The following ENOX1 variants were observed in gnomAD, a reference collection of about 807,000 sequenced individuals.
ENOX1 encodes the protein ecto-NOX disulfide-thiol exchanger 1.
In ENOX1, 42 loss-of-function variants were observed where a neutral mutation model predicts 82.5. That is an observed-to-expected ratio of 0.51 (90% CI 0.40 to 0.66). The LOEUF (loss-of-function observed/expected upper bound fraction) is 0.66, where lower values mean the gene tolerates loss of function less well. Among genes scored for constraint, ENOX1 ranks in the 30% least tolerant of loss-of-function variants. ENOX1 has a pLI of 0.00. For missense variants in ENOX1, 608 were observed against 811.6 expected, an observed-to-expected ratio of 0.75 and a Z score of 3.05; for synonymous variants, 271 against 282.2, an observed-to-expected ratio of 0.96 and a Z score of 0.40.
intron 1 of ENOX1, among the ~76,000 whole-genome samples, chr13:43,756,969 CA>C (rs1408849152): frequency 2.4e-5 from 1 of 41,464 alleles, no homozygotes; most frequent in Non-Finnish European, 4.9e-5. Flanking sequence ...ACAAAAACAA[CA>C]ACAAAAAAAA....
intron 5 of ENOX1, 117 bp downstream of exon 5, chr13:43,411,799 C>T: frequency 1.5e-6 from 2 of 1,303,628 alleles, no homozygotes; most frequent in Non-Finnish European, 2.1e-6. Flanking sequence ...CAAACATGCC[C>T]CAGTCATAAA....
chr13:43,395,701 A>C (rs1053707921), intron 5 of ENOX1, among the ~76,000 whole-genome samples: 2 of 152,188 alleles, frequency 1.3e-5, no homozygotes, highest in Admixed American at 1.3e-4. Context: ...TGTTGCTTTC[A>C]TTCTCATGAA....
At chr13:43,657,830 A>G (rs915325761) in intron 2 of ENOX1, among the ~76,000 whole-genome samples, 2 of 152,228 alleles carry the variant, frequency 1.3e-5, no homozygotes, top group Admixed American at 1.3e-4. Flanking sequence ...CACAGTTTAT[A>G]AATTCGGGCC....
intron 2 of ENOX1, among the ~76,000 whole-genome samples, chr13:43,647,361 C>T (rs911320428): frequency 6.6e-6 from 1 of 152,172 alleles, no homozygotes; most frequent in African/African-American, 2.4e-5. Flanking sequence ...ACTACAACTG[C>T]TTTGAGTCCC....
intron 2 of ENOX1, among the ~76,000 whole-genome samples, chr13:43,549,431 G>A (rs1040688349): frequency 6.6e-6 from 1 of 152,142 alleles, no homozygotes; most frequent in Non-Finnish European, 1.5e-5. Flanking sequence ...TCATTAGGAA[G>A]CACAAGTCCC....
Position 43,674,288 on chromosome 13 carries a change from G to T in ENOX1, c.-284-6744C>A, listed in dbSNP as rs144168450. 4.4e-3 allele frequency among the ~76,000 whole-genome samples: 663 copies of T among 152,244 alleles called. 3 individuals carry two copies. Among genetic ancestry groups the T allele is most frequent in the Admixed American group, 0.01 (159 of 15,286 alleles). Reference sequence around the variant, plus strand: ...GCTAAAGTTCTAATGGGAAAGACAGGTGATAAACCAAAAAGAGAATGTCAG... The same window carrying T: ...GCTAAAGTTCTAATGGGAAAGACAGTTGATAAACCAAAAAGAGAATGTCAG... On this transcript the variant is annotated intron_variant, in intron 1 of 16. Transcript: ENST00000690772.
intron 14 of ENOX1, among the ~76,000 whole-genome samples, chr13:43,250,698 A>G (rs2043403940): frequency 6.6e-6 from 1 of 152,224 alleles, no homozygotes; most frequent in Admixed American, 6.5e-5. Flanking sequence ...TACCTACAAT[A>G]AGGGTACATT....
At chr13:43,545,413 G>A (rs766245336) in intron 2 of ENOX1, 1 of 152,192 alleles carries the variant, frequency 6.6e-6, no homozygotes, top group Admixed American at 6.5e-5. Context: ...TCATCTTTTT[G>A]TAAAGATTCT....
At chr13:43,613,512 G>A (rs2082283612) in intron 2 of ENOX1, among the ~76,000 whole-genome samples, 1 of 151,906 alleles carries the variant, frequency 6.6e-6, no homozygotes, top group African/African-American at 2.4e-5. Flanking sequence ...TTGTTTATTT[G>A]AAAAGTTCAA....
chr13:43,447,978 C>T (rs929856536), intron 3 of ENOX1, among the ~76,000 whole-genome samples: 1 of 152,314 alleles, frequency 6.6e-6, no homozygotes, highest in African/African-American at 2.4e-5. Flanking sequence ...GCCGTGGTTC[C>T]TGACAATCAT....
intron 2 of ENOX1, among the ~76,000 whole-genome samples, chr13:43,600,651 T>G (rs2081668269): frequency 6.6e-6 from 1 of 152,170 alleles, no homozygotes; most frequent in Non-Finnish European, 1.5e-5. Flanking sequence ...ACCTGCTGAT[T>G]GTAGAGCCCT....
In ENOX1 at chr13:43,675,875, C is replaced by G. The variant is rs574108817; in HGVS notation, c.-284-8331G>C. On this transcript the variant is annotated intron_variant, in intron 1 of 16. Coordinates refer to ENST00000690772, the MANE Select transcript of ENOX1 (RefSeq NM_001347969.2). ...GCTGCTCCCTCACCCATGCCATTTT[C>G]TTTTTGCTCATCCCATCACAGGTGC... Among the ~76,000 whole-genome samples, 4 of 152,314 alleles carry G rather than the reference C, an allele frequency of 2.6e-5. No homozygotes were observed. The East Asian group carries it at 7.7e-4, about 29-fold the overall frequency.
intron 12 of ENOX1, among the ~76,000 whole-genome samples, chr13:43,276,908 T>A (rs191814812): frequency 6.6e-6 from 1 of 152,336 alleles, no homozygotes. Context: ...CTATTCTAGT[T>A]TAAAACGTCA....
chr13:43,664,575 G>C (rs538959488), intron 2 of ENOX1, among the ~76,000 whole-genome samples: 5 of 152,302 alleles, frequency 3.3e-5, no homozygotes, highest in Non-Finnish European at 5.9e-5. Context: ...CACTCTGTTT[G>C]ATCACTGTAT....
At chr13:43,240,976 C>T (rs1321117960) in intron 14 of ENOX1, among the ~76,000 whole-genome samples, 2 of 152,188 alleles carry the variant, frequency 1.3e-5, no homozygotes, top group African/African-American at 4.8e-5. Flanking sequence ...CTGGACCCCT[C>T]TACGGAGATA....
chr13:43,401,605 T>C (rs954551757), intron 5 of ENOX1, among the ~76,000 whole-genome samples: 3 of 152,076 alleles, frequency 2.0e-5, no homozygotes, highest in African/African-American at 7.2e-5. Flanking sequence ...TCAGAGTCTG[T>C]GGCTGCATGT....
chr13:43,239,144 AG>A (rs1285072617), intron 14 of ENOX1, among the ~76,000 whole-genome samples: 2 of 152,336 alleles, frequency 1.3e-5, no homozygotes, highest in Admixed American at 1.3e-4. Flanking sequence ...TAAGAGTCTT[AG>A]GGTCACCATT....
chr13:43,382,478 C>T (rs537933201), intron 5 of ENOX1, among the ~76,000 whole-genome samples: 7 of 152,236 alleles, frequency 4.6e-5, no homozygotes, highest in South Asian at 4.1e-4. Context: ...TGACAACATG[C>T]GTGACTTTCA....
intron 7 of ENOX1, among the ~76,000 whole-genome samples, chr13:43,356,793 A>G (rs1448146793): frequency 6.6e-6 from 1 of 151,676 alleles, no homozygotes; most frequent in Non-Finnish European, 1.5e-5. Context: ...GCAGGAGAAT[A>G]TTTTACCTTC....
Sources: allele counts gnomAD v4.1 joint callset (sites outside exome capture counted in the v4.1 genomes callset), GRCh38; gene constraint gnomAD v4.1.1; transcripts MANE v1.5; gene names NCBI Gene and HGNC (gene_info 2026-07-23, HGNC 2026-07-21).